The following ATXN10 variants were observed in gnomAD, a reference collection of about 807,000 sequenced individuals.
ATXN10 encodes the protein ataxin 10.
A neutral mutation model predicts 52.9 loss-of-function variants in ATXN10; 28 were observed. The observed-to-expected ratio is 0.53, with a 90% CI of 0.39 to 0.73. ATXN10 has a LOEUF of 0.73. Ranked by LOEUF, ATXN10 falls within the 30% of genes least tolerant of loss-of-function variation. ATXN10 has a pLI of 0.00. For synonymous variants in ATXN10, 226 were observed against 221.5 expected (o/e 1.02, Z -0.18); for missense variants, 565 against 577.0 (o/e 0.98, Z 0.21).
rs1278929844 is a variant in ATXN10 at position 45,840,228 on chromosome 22, A to T, written c.1238-2763A>T. On this transcript the variant is annotated intron_variant, in intron 10 of 11. Transcript: ENST00000252934. This position sits in a 1 kb window ranked among gnomAD's most constrained non-coding sequence, Gnocchi z 5.8. Reference sequence around the variant, plus strand: ...ACATCCACTTTGTGCTGGGAACGAGACTCGGTGCTAGGATATCGAAGTCAA... The same window carrying T: ...ACATCCACTTTGTGCTGGGAACGAGTCTCGGTGCTAGGATATCGAAGTCAA... 6.6e-6 allele frequency among the ~76,000 whole-genome samples: 1 copy of T among 152,098 alleles called. No homozygotes were observed. The highest frequency in any genetic ancestry group is 2.4e-5 in the African/African-American group (1 of 41,400).
Position 45,694,126 on chromosome 22 carries a change from G to A in ATXN10, c.391+1048G>A, listed in dbSNP as rs1178857505. Among the ~76,000 whole-genome samples the A allele has an allele frequency of 2.0e-5, 3 of 152,232 alleles. No individual in the cohort carries two copies. In the East Asian group the frequency reaches 5.8e-4, roughly 29 times the overall value. On this transcript the variant is annotated intron_variant, in intron 3 of 11. Coordinates refer to ENST00000252934, the MANE Select transcript of ATXN10 (RefSeq NM_013236.4). Reference sequence around the variant, plus strand: ...TCTAGTGTGATGAAAATGGAACTTAGCTCTGATTGTTAACGGTTGTTGACT... The same window carrying A: ...TCTAGTGTGATGAAAATGGAACTTAACTCTGATTGTTAACGGTTGTTGACT...
rs1422019640 is a variant in ATXN10, at chr22:45,705,831, G to A, written c.647+2984G>A. 1.3e-5 allele frequency among the ~76,000 whole-genome samples: 2 copies of A among 152,244 alleles called. No homozygotes were observed. The highest frequency in any genetic ancestry group is 1.9e-4 in the East Asian group (1 of 5,180). On this transcript the variant is annotated intron_variant, in intron 5 of 11. Transcript: ENST00000252934. The surrounding 1 kb of genome is among the most constrained non-coding windows in gnomAD (Gnocchi z 5.2). Reference sequence around the variant, plus strand: ...TTTGCCTGTTTGGTCTAGGCCGGGGGTCCTCCAGCCCCCGACCTGTGGACT... The same window carrying A: ...TTTGCCTGTTTGGTCTAGGCCGGGGATCCTCCAGCCCCCGACCTGTGGACT...
intron 6 of ATXN10, among the ~76,000 whole-genome samples, chr22:45,719,093 G>A (rs1046232291): frequency 6.6e-6 from 1 of 151,752 alleles, no homozygotes; most frequent in African/African-American, 2.4e-5. Context: ...AGGTACAAGG[G>A]ATTCAGTTTC....
At chr22:45,693,389 A>G (rs1923461724) in intron 3 of ATXN10, among the ~76,000 whole-genome samples, 6 of 152,150 alleles carry the variant, frequency 3.9e-5, no homozygotes. Context: ...AAAGTCCAAG[A>G]TTAAGGTACC....
chr22:45,795,707 C>T lies in ATXN10; in HGVS notation c.1174-11252C>T, dbSNP rs542510833. Among the ~76,000 whole-genome samples, 6 of 152,248 alleles carry T rather than the reference C, an allele frequency of 3.9e-5. No individual in the cohort carries two copies. Among genetic ancestry groups the T allele is most frequent in the Middle Eastern group, 6.8e-3 (2 of 294 alleles). ...CATTTATTAGTTCCCCAAATTAATA[C>T]TTTTATAATGTCTTACACCTGTCTT... is the stretch of plus-strand genomic sequence containing the variant. On this transcript the variant is annotated intron_variant, in intron 9 of 11. Transcript: ENST00000252934. This position sits in a 1 kb window ranked among gnomAD's most constrained non-coding sequence, Gnocchi z 4.6.
chr22:45,706,263 A>G (rs1406295322), intron 5 of ATXN10, among the ~76,000 whole-genome samples: 1 of 152,122 alleles, frequency 6.6e-6, no homozygotes, highest in Non-Finnish European at 1.5e-5. Flanking sequence ...TCCCCTCTTC[A>G]TTCCTGATTT....
intron 9 of ATXN10, among the ~76,000 whole-genome samples, chr22:45,749,381 A>G (rs117555052): frequency 0.016 from 2,400 of 152,222 alleles, 33 homozygotes; most frequent in Middle Eastern, 0.027. Context: ...CACTGCTTCC[A>G]CCGTCACCAC....
chr22:45,814,216 A>C (rs1415208898), intron 10 of ATXN10, among the ~76,000 whole-genome samples: 1 of 152,264 alleles, frequency 6.6e-6, no homozygotes, highest in East Asian at 1.9e-4. Flanking sequence ...AAAGACTTTG[A>C]AACGATGTTT....
At chr22:45,689,553 T>TAA in intron 1 of ATXN10, 159 bp from the exon 2 acceptor site, 5 of 654,226 alleles carry the variant, frequency 7.6e-6, no homozygotes, top group Middle Eastern at 8.2e-4. Flanking sequence ...AAGTGCTCAA[T>TAA]ATGTGTAGAT....
intron 9 of ATXN10, among the ~76,000 whole-genome samples, chr22:45,749,535 A>G (rs977633193): frequency 1.3e-5 from 2 of 152,098 alleles, no homozygotes; most frequent in Non-Finnish European, 2.9e-5. Flanking sequence ...GTGTTTTAGT[A>G]AATGTAGTTT....
rs2146902126 is a variant in ATXN10, at chr22:45,823,110, A to G, written c.1237+16088A>G. 2.1e-6 allele frequency: 1 copy of G among 467,954 alleles called. No homozygotes were observed. The highest frequency in any genetic ancestry group is 2.0e-5 in the African/African-American group (1 of 50,028). 29.0% of individuals were successfully genotyped at this position (467,954 alleles called of 1,614,324 possible). On this transcript the variant is annotated intron_variant, in intron 10 of 11. Coordinates refer to ENST00000252934, the MANE Select transcript of ATXN10 (RefSeq NM_013236.4). This position sits in a 1 kb window ranked among gnomAD's most constrained non-coding sequence, Gnocchi z 4.9. ...AATTTTTAAGTATACATCTTGACAT[A>G]AGTACAGATGTATGTACGCATCACC...
Position 45,718,343 on chromosome 22 carries a change from A to G in ATXN10, c.648-70A>G. ...GCTTTTGTGTGTAAGTGGTGCCTAT[A>G]AAGTAGATAAGGGCATGTCTCTTTT... On this transcript the variant is annotated intron_variant, in intron 5 of 11. Transcript: ENST00000252934. This position sits in a 1 kb window ranked among gnomAD's most constrained non-coding sequence, Gnocchi z 4.4. 1.7e-6 allele frequency: 2 copies of G among 1,150,918 alleles called. No individual in the cohort carries two copies. Among genetic ancestry groups the G allele is most frequent in the Non-Finnish European group, 2.6e-6 (2 of 758,022 alleles). 71.3% of individuals were successfully genotyped at this position (1,150,918 alleles called of 1,614,324 possible).
rs1397594160 is a variant in ATXN10 at position 45,672,190 on chromosome 22, C to T, written c.116+11C>T. ...AGAGCAGCGGAACCGGTAACGGGTCCGGCCGGGGGGCTGCCCCGGGCAGGG... is the reference window on the plus strand; with the variant it reads ...AGAGCAGCGGAACCGGTAACGGGTCTGGCCGGGGGGCTGCCCCGGGCAGGG... On this transcript the variant is annotated intron_variant, in intron 1 of 11. Coordinates refer to ENST00000252934, the MANE Select transcript of ATXN10 (RefSeq NM_013236.4). 6 of 1,526,210 alleles carry T rather than the reference C, an allele frequency of 3.9e-6. No homozygotes were observed. The South Asian group carries it at 4.8e-5, about 12-fold the overall frequency. The allele number at this position is 1,526,210 out of a possible 1,614,324, so 94.5% of individuals were successfully genotyped here.
chr22:45,776,186 C>T (rs1262585589), intron 9 of ATXN10, among the ~76,000 whole-genome samples: 1 of 152,220 alleles, frequency 6.6e-6, no homozygotes, highest in African/African-American at 2.4e-5. Flanking sequence ...GTAAAGGCTT[C>T]AGTGATTGTT....
At position 45,789,717 on chromosome 22, in the gene ATXN10, C is replaced by T. The variant is rs1028517347; in HGVS notation, c.1174-17242C>T. On this transcript the variant is annotated intron_variant, in intron 9 of 11. Coordinates refer to ENST00000252934, the MANE Select transcript of ATXN10 (RefSeq NM_013236.4). The surrounding 1 kb of genome is among the most constrained non-coding windows in gnomAD (Gnocchi z 4.0). Reference sequence around the variant, plus strand: ...TGATGTGTTGGGCTTTAGCTTTGGCCGTTAGGGATGTAGGAGTGTGTCCTT... The same window carrying T: ...TGATGTGTTGGGCTTTAGCTTTGGCTGTTAGGGATGTAGGAGTGTGTCCTT... Among the ~76,000 whole-genome samples the T allele has an allele frequency of 2.6e-5, 4 of 152,214 alleles. No homozygotes were observed. Among genetic ancestry groups the T allele is most frequent in the Non-Finnish European group, 4.4e-5 (3 of 68,002 alleles).
intron 6 of ATXN10, among the ~76,000 whole-genome samples, chr22:45,726,375 T>C (rs1057032452): frequency 2.0e-5 from 3 of 152,180 alleles, no homozygotes; most frequent in African/African-American, 7.2e-5. Context: ...TATTTCTTTC[T>C]GATTCAAGCT....
At chr22:45,813,179 C>T (rs552701068) in intron 10 of ATXN10, among the ~76,000 whole-genome samples, 14 of 152,272 alleles carry the variant, frequency 9.2e-5, no homozygotes, top group African/African-American at 2.6e-4. Context: ...ATTCCAGCTC[C>T]GCTACCACAG....
intron 10 of ATXN10, among the ~76,000 whole-genome samples, chr22:45,809,111 C>T (rs867776176): frequency 6.6e-6 from 1 of 152,294 alleles, no homozygotes; most frequent in African/African-American, 2.4e-5. Context: ...AAAAGCCTTA[C>T]AGCCTAGAGA....
rs945878371 is a variant in ATXN10 at position 45,766,718 on chromosome 22, A to G, written c.1173+26180A>G. ...GTTGGATGACAAGAAGCAAATAAGCACATAAAATGATAAAGAAAAAATAGT... is the reference window on the plus strand; with the variant it reads ...GTTGGATGACAAGAAGCAAATAAGCGCATAAAATGATAAAGAAAAAATAGT... On this transcript the variant is annotated intron_variant, in intron 9 of 11. Coordinates refer to ENST00000252934, the MANE Select transcript of ATXN10 (RefSeq NM_013236.4). This position sits in a 1 kb window ranked among gnomAD's most constrained non-coding sequence, Gnocchi z 4.6. Among the ~76,000 whole-genome samples, 2 of 152,246 alleles carry G rather than the reference A, an allele frequency of 1.3e-5. No homozygotes were observed. The highest frequency in any genetic ancestry group is 2.1e-4 in the South Asian group (1 of 4,828).
Sources: gnomAD v4.1 joint callset for allele counts (sites outside exome capture counted in the v4.1 genomes callset) on GRCh38, gnomAD v4.1.1 for gene constraint, Gnocchi (gnomAD v3.1) non-coding constraint, MANE v1.5 for transcripts, NCBI Gene and HGNC (gene_info 2026-07-23, HGNC 2026-07-21) for gene names.